The following GALNT11 variants were observed in gnomAD, a reference collection of about 807,000 sequenced individuals.
GALNT11 encodes the protein UDP-GalNAc:polypeptide N-acetylgalactosaminyltransferase 11.
GALNT11 carries 47 observed loss-of-function variants against 72.7 expected under a neutral mutation model. The ratio of observed to expected loss-of-function variants is 0.65; its 90% CI spans 0.51 to 0.82. The LOEUF (loss-of-function observed/expected upper bound fraction) is 0.82, where lower values mean the gene tolerates loss of function less well. Among genes scored for constraint, GALNT11 ranks in the 40% least tolerant of loss-of-function variants. The pLI is 0.00. For synonymous variants in GALNT11, 270 were observed against 286.6 expected, an observed-to-expected ratio of 0.94 and a Z score of 0.58; for missense variants, 677 against 778.4, an observed-to-expected ratio of 0.87 and a Z score of 1.55.
At chr7:152,038,850 A>G (rs768958214) in intron 1 of GALNT11, among the ~76,000 whole-genome samples, 1 of 152,266 alleles carries the variant, frequency 6.6e-6, no homozygotes, top group African/African-American at 2.4e-5. Context: ...ATTAAGGTCA[A>G]GTGTGGCTGT....
At position 152,100,872 on chromosome 7, in the gene GALNT11, A is replaced by G. The variant is rs376537764; in HGVS notation, c.370A>G (p.Ser124Gly). The change falls in exon 3 of 12, where the codon AGT becomes GGT. Residue 124 changes from serine (S) to glycine (G), a missense_variant. Physicochemically the swap from Ser to Gly is moderately conservative, Grantham distance 56. Transcript: ENST00000430044. ...GAAACATGCTTTTAATATGCTTATC[A>G]GTGACCGCTTGGGCTACCACAGAGA... ...YQKHAFNMLI[S>G]DRLGYHRDVP... 3.1e-6 allele frequency: 5 copies of G among 1,614,134 alleles called. No homozygotes were observed. Among genetic ancestry groups the G allele is most frequent in the East Asian group, 2.2e-5 (1 of 44,884 alleles).
chr7:152,050,379 T>C (rs1223419742), intron 1 of GALNT11, among the ~76,000 whole-genome samples: 1 of 152,218 alleles, frequency 6.6e-6, no homozygotes, highest in Non-Finnish European at 1.5e-5. Flanking sequence ...GGTTCCCTTG[T>C]AGCCCAGGCT....
In GALNT11 at chr7:152,117,217, C is replaced by T. The variant is rs1447299369; in HGVS notation, c.1294C>T (p.Arg432Cys). The change falls in exon 9 of 12, where the codon CGT becomes TGT. Residue 432 changes from arginine (R) to cysteine (C), a missense_variant. Coordinates refer to ENST00000430044, the MANE Select transcript of GALNT11 (RefSeq NM_022087.4). ...KTKSYGNISE[R>C]VELRKKLGCK... is the part of the protein sequence containing the mutation. Reference sequence around the variant, plus strand: ...GAAAAGCTATGGCAATATCAGTGAGCGTGTGGAACTGAGAAAGAAGTTGGG... The same window carrying T: ...GAAAAGCTATGGCAATATCAGTGAGTGTGTGGAACTGAGAAAGAAGTTGGG... 22 of 1,613,866 alleles carry T rather than the reference C, an allele frequency of 1.4e-5. No individual in the cohort carries two copies. Among genetic ancestry groups the T allele is most frequent in the Non-Finnish European group, 1.8e-5 (21 of 1,180,006 alleles).
chr7:152,034,032 CTTGATCTGCT>C (rs2082435600), intron 1 of GALNT11, among the ~76,000 whole-genome samples: 1 of 152,196 alleles, frequency 6.6e-6, no homozygotes, highest in Non-Finnish European at 1.5e-5. Context: ...CCAGGTCTGC[CTTGATCTGCT>C]TTAAATCAGA....
rs991753342 is a variant in GALNT11 at position 152,094,027 on chromosome 7, C to G, written c.-38-163C>G. 7 of 538,844 alleles carry G rather than the reference C, an allele frequency of 1.3e-5. No individual in the cohort carries two copies. Among genetic ancestry groups the G allele is most frequent in the Admixed American group, 3.8e-5 (1 of 26,242 alleles). The allele number at this position is 538,844 out of a possible 1,614,324, so 33.4% of individuals were successfully genotyped here. ...GGCCTGAGGTTTTCATTGTTGAACC[C>G]TTTTTAAAAACTCAGTACTATCCAT... On this transcript the variant is annotated intron_variant, in intron 1 of 11. Coordinates refer to ENST00000430044, the MANE Select transcript of GALNT11 (RefSeq NM_022087.4). This position sits in a 1 kb window ranked among gnomAD's most constrained non-coding sequence, Gnocchi z 4.3.
At chr7:152,037,621 G>C (rs1402930368) in intron 1 of GALNT11, among the ~76,000 whole-genome samples, 1 of 151,792 alleles carries the variant, frequency 6.6e-6, no homozygotes, top group South Asian at 2.1e-4. Context: ...TTCTATTTCT[G>C]TGAAGAATGT....
chr7:152,050,805 C>G (rs2083356711), intron 1 of GALNT11, among the ~76,000 whole-genome samples: 1 of 152,214 alleles, frequency 6.6e-6, no homozygotes, highest in Admixed American at 6.5e-5. Flanking sequence ...TTTCCACCAC[C>G]AGGATGGGCA....
chr7:152,044,028 CA>C (rs2082999613), intron 1 of GALNT11, among the ~76,000 whole-genome samples: 1 of 152,148 alleles, frequency 6.6e-6, no homozygotes, highest in Admixed American at 6.6e-5. Flanking sequence ...GTTCGAGCCC[CA>C]CGTATGGGCA....
chr7:152,110,782 G>A, intron 7 of GALNT11, 137 bp downstream of exon 7: 3 of 657,010 alleles, frequency 4.6e-6, no homozygotes, highest in East Asian at 3.0e-5. Context: ...CCAGGTTGGA[G>A]TGCAGTGGCG....
At chr7:152,105,448 A>G (rs2087434947) in intron 5 of GALNT11, 78 bp downstream of exon 5, 1 of 1,545,570 alleles carries the variant, frequency 6.5e-7, no homozygotes, top group Non-Finnish European at 8.7e-7. Context: ...CTGATTCTGC[A>G]AAGTCTATGA....
intron 8 of GALNT11, chr7:152,116,942 G>A (rs555323468): frequency 8.5e-5 from 57 of 670,398 alleles, no homozygotes; most frequent in South Asian, 6.3e-4. Context: ...GGAGTTTTCC[G>A]TAATTTTTAA....
intron 1 of GALNT11, among the ~76,000 whole-genome samples, chr7:152,068,021 A>C (rs1163889377): frequency 6.6e-6 from 1 of 152,140 alleles, no homozygotes; most frequent in African/African-American, 2.4e-5. Context: ...CCTGTCAGCA[A>C]GTCAGCAGCA....
chr7:152,043,498 G>C (rs1163963578), intron 1 of GALNT11, among the ~76,000 whole-genome samples: 1 of 152,194 alleles, frequency 6.6e-6, no homozygotes, highest in Non-Finnish European at 1.5e-5. Context: ...CAATTTAAAA[G>C]GAAAAGGCTC....
intron 1 of GALNT11, among the ~76,000 whole-genome samples, chr7:152,056,594 A>G (rs530099836): frequency 6.6e-6 from 1 of 152,342 alleles, no homozygotes; most frequent in African/African-American, 2.4e-5. Flanking sequence ...ACATTGTAAC[A>G]TTACAATGAA....
intron 8 of GALNT11, 104 bp from the exon 9 acceptor site, chr7:152,117,050 TATC>T (rs896000020): frequency 1.3e-5 from 12 of 945,860 alleles, no homozygotes; most frequent in Non-Finnish European, 1.9e-5. Flanking sequence ...TACATGTTAT[TATC>T]ATTGTTAGTA....
chr7:152,113,309 A>C lies in GALNT11; in HGVS notation c.1144A>C (p.Lys382Gln), dbSNP rs764253247. 23 of 1,614,022 alleles carry C rather than the reference A, an allele frequency of 1.4e-5. No individual in the cohort carries two copies. Among genetic ancestry groups the C allele is most frequent in the Non-Finnish European group, 1.2e-5 (14 of 1,180,008 alleles). ...CTCTAGAGTAGGACACATTTTCCGAAAAAGGCGACCATATGGATCTCCCGA... is the reference window on the plus strand; with the variant it reads ...CTCTAGAGTAGGACACATTTTCCGACAAAGGCGACCATATGGATCTCCCGA... The part of the protein sequence containing the change: ...PCSRVGHIFR[K>Q]RRPYGSPEGQ... The change falls in exon 8 of 12, where the codon AAA becomes CAA. Residue 382 changes from lysine (K) to glutamine (Q), a missense_variant. Transcript: ENST00000430044.
chr7:152,032,300 T>C (rs930782534), intron 1 of GALNT11, among the ~76,000 whole-genome samples: 1 of 152,138 alleles, frequency 6.6e-6, no homozygotes, highest in Non-Finnish European at 1.5e-5. Flanking sequence ...TGTGGGATCC[T>C]CAAAGGCAAA....
intron 2 of GALNT11, among the ~76,000 whole-genome samples, chr7:152,095,601 C>T (rs867125341): frequency 1.3e-5 from 2 of 152,052 alleles, no homozygotes; most frequent in Admixed American, 6.6e-5. Flanking sequence ...TAAATAGAGA[C>T]GTGATCTCAC....
Position 152,113,307 on chromosome 7 carries a change from G to T in GALNT11, c.1142G>T (p.Arg381Leu), listed in dbSNP as rs148442370. The T allele has an allele frequency of 6.2e-7, 1 of 1,614,002 alleles. No homozygotes were observed. Among genetic ancestry groups the T allele is most frequent in the Non-Finnish European group, 8.5e-7 (1 of 1,179,980 alleles). ...IPCSRVGHIFRKRRPYGSPEG... is the reference protein window; with the variant it reads ...IPCSRVGHIFLKRRPYGSPEG... ...TGCTCTAGAGTAGGACACATTTTCC[G>T]AAAAAGGCGACCATATGGATCTCCC... Residue 381 changes from arginine to leucine, a missense_variant, in exon 8 of 12, where the codon CGA (arginine) becomes CTA (leucine). Arg to Leu is a moderately radical substitution (Grantham distance 102, BLOSUM62 -2). Transcript: ENST00000430044.
Sources: allele counts gnomAD v4.1 joint callset (sites outside exome capture counted in the v4.1 genomes callset), GRCh38; gene constraint gnomAD v4.1.1; non-coding constraint Gnocchi (gnomAD v3.1); transcripts MANE v1.5; gene names NCBI Gene and HGNC (gene_info 2026-07-23, HGNC 2026-07-21).